The following PARN variants were observed in gnomAD, a reference collection of about 807,000 sequenced individuals.
PARN encodes poly(A)-specific ribonuclease PARN.
In PARN, 71 loss-of-function variants were observed where a neutral mutation model predicts 102.8. That is an observed-to-expected ratio of 0.69 (90% CI 0.57 to 0.84). PARN has a LOEUF of 0.84. PARN is among the 40% of genes least tolerant of loss of function. The pLI is 0.00. For missense variants in PARN, 782 were observed against 760.9 expected, an observed-to-expected ratio of 1.03 and a Z score of -0.33; for synonymous variants, 261 against 252.9, an observed-to-expected ratio of 1.03 and a Z score of -0.30.
At chr16:14,438,452 G>GGT (rs1230989166) in intron 23 of PARN, among the ~76,000 whole-genome samples, 1 of 146,618 alleles carries the variant, frequency 6.8e-6, no homozygotes, top group Non-Finnish European at 1.5e-5. Context: ...GGGGGGGGGG[G>GGT]TGTGTGAGTG....
chr16:14,534,356 CAT>C (rs774445524), intron 21 of PARN, among the ~76,000 whole-genome samples: 12 of 151,836 alleles, frequency 7.9e-5, no homozygotes, highest in Middle Eastern at 3.4e-3. Context: ...GGCATATAAA[CAT>C]ATGGTATCTA....
At chr16:14,544,965 T>C (rs896813683) in intron 21 of PARN, among the ~76,000 whole-genome samples, 1 of 152,138 alleles carries the variant, frequency 6.6e-6, no homozygotes, top group Admixed American at 6.5e-5. Flanking sequence ...GGTGGGAGGA[T>C]TGCTTGAGCT....
intron 21 of PARN, among the ~76,000 whole-genome samples, chr16:14,507,267 G>A (rs1005944315): frequency 1.7e-4 from 25 of 150,914 alleles, no homozygotes; most frequent in Admixed American, 8.6e-4. Context: ...TGGAGGTTGC[G>A]GTGAGCTGAG....
At chr16:14,537,084 T>C (rs1460672309) in intron 21 of PARN, among the ~76,000 whole-genome samples, 1 of 151,942 alleles carries the variant, frequency 6.6e-6, no homozygotes, top group Non-Finnish European at 1.5e-5. Context: ...ACTCAGACAA[T>C]TCAATGGCAA....
intron 17 of PARN, among the ~76,000 whole-genome samples, 177 bp from the exon 18 acceptor site, chr16:14,581,120 T>C (rs1421186328): frequency 1.3e-5 from 2 of 152,024 alleles, no homozygotes; most frequent in Non-Finnish European, 2.9e-5. Flanking sequence ...TGGCGCAATC[T>C]CGGTTCACTG....
At chr16:14,495,654 C>T (rs974966857) in intron 21 of PARN, among the ~76,000 whole-genome samples, 4 of 152,196 alleles carry the variant, frequency 2.6e-5, no homozygotes, top group East Asian at 1.9e-4. Context: ...CCTCGAATTC[C>T]GAAAAGGAAG....
chr16:14,584,491 G>T, intron 15 of PARN, 69 bp from the exon 16 acceptor site: 2 of 1,230,622 alleles, frequency 1.6e-6, no homozygotes, highest in Non-Finnish European at 1.2e-6. Context: ...GAGATTCACT[G>T]ACCCCCCCAA....
At chr16:14,609,446 C>A (rs1301520928) in intron 7 of PARN, among the ~76,000 whole-genome samples, 1 of 151,988 alleles carries the variant, frequency 6.6e-6, no homozygotes, top group Non-Finnish European at 1.5e-5. Context: ...TGCAGTGTAA[C>A]TGTGGTCCCA....
rs200450356 is a variant in PARN at position 14,513,057 on chromosome 16, TG to T, written c.1481-30231del. On this transcript the variant is annotated intron_variant, in intron 21 of 23. Transcript: ENST00000437198. ...CTCGTACCTCAGCCTCCTGAGTAGC[TG>T]GGATTACAGGTGCGTGCCACCACAC... Among the ~76,000 whole-genome samples the T allele has an allele frequency of 8.4e-3, 1,282 of 152,170 alleles. 20 individuals are homozygous for T. Among genetic ancestry groups the T allele is most frequent in the African/African-American group, 0.029 (1,203 of 41,510 alleles).
At chr16:14,504,451 C>T (rs148461091) in intron 21 of PARN, among the ~76,000 whole-genome samples, 139 of 152,014 alleles carry the variant, frequency 9.1e-4, no homozygotes, top group Non-Finnish European at 1.4e-3. Context: ...CCCAGCTACT[C>T]GGGAGGCTGA....
chr16:14,612,414 C>T lies in PARN; in HGVS notation c.389-1605G>A, dbSNP rs997506812. The stretch of plus-strand genomic sequence containing the variant: ...ATCGTGCCACCGCACTTCAGCCTGG[C>T]GACGGTGTGACACTGTCTCAAAAAA... On this transcript the variant is annotated intron_variant, in intron 6 of 23. Coordinates refer to ENST00000437198, the MANE Select transcript of PARN (RefSeq NM_002582.4). Among the ~76,000 whole-genome samples, 18 of 151,032 alleles carry T rather than the reference C, an allele frequency of 1.2e-4. No individual in the cohort carries two copies. The South Asian group carries it at 3.4e-3, about 28-fold the overall frequency.
intron 12 of PARN, among the ~76,000 whole-genome samples, chr16:14,595,539 A>G (rs1567428828): frequency 6.8e-6 from 1 of 147,434 alleles, no homozygotes; most frequent in Admixed American, 6.8e-5. Context: ...TAATTTTTTA[A>G]TTTTTTTTTT....
chr16:14,629,805 C>A (rs1485238763), intron 1 of PARN, 131 bp from the exon 2 acceptor site: 2 of 737,862 alleles, frequency 2.7e-6, no homozygotes, highest in East Asian at 2.6e-5. Flanking sequence ...TGCACCGGGG[C>A]GAGGGGAATC....
At chr16:14,610,618 C>T (rs753227029) in intron 7 of PARN, 26 bp downstream of exon 7, 52 of 1,473,812 alleles carry the variant, frequency 3.5e-5, no homozygotes, top group East Asian at 1.6e-4. Context: ...ACACAATGCA[C>T]GCTTAGTTTT....
chr16:14,568,863 C>T (rs552318000), intron 18 of PARN, among the ~76,000 whole-genome samples: 4 of 151,970 alleles, frequency 2.6e-5, no homozygotes, highest in African/African-American at 9.7e-5. Flanking sequence ...CCATTGCACT[C>T]TAGCCTGGCA....
chr16:14,507,982 G>C (rs1406686281), intron 21 of PARN, among the ~76,000 whole-genome samples: 1 of 152,150 alleles, frequency 6.6e-6, no homozygotes. Context: ...TCTATAGTAT[G>C]ATTACACCTA....
chr16:14,482,577 G>A (rs1267077461), intron 22 of PARN, 61 bp downstream of exon 22: 5 of 1,309,958 alleles, frequency 3.8e-6, no homozygotes, highest in Non-Finnish European at 5.3e-6. Flanking sequence ...CCTATGAGAA[G>A]CAACAAGAAA....
chr16:14,629,488 C>A, intron 2 of PARN, 109 bp downstream of exon 2: 1 of 805,754 alleles, frequency 1.2e-6, no homozygotes, highest in South Asian at 1.4e-5. Flanking sequence ...CCCAAGGCTA[C>A]TAACAGCAAG....
intron 21 of PARN, among the ~76,000 whole-genome samples, chr16:14,513,296 G>T (rs1212961488): frequency 6.6e-6 from 1 of 152,054 alleles, no homozygotes; most frequent in Non-Finnish European, 1.5e-5. Flanking sequence ...AATATAAACT[G>T]CTCATATATA....
Sources: allele counts gnomAD v4.1 joint callset (sites outside exome capture counted in the v4.1 genomes callset), GRCh38; gene constraint gnomAD v4.1.1; transcripts MANE v1.5; gene names NCBI Gene and HGNC (gene_info 2026-07-23, HGNC 2026-07-21).